OSTN: variants seen among roughly 807,000 people sequenced by gnomAD.
The protein encoded by OSTN is osteocrin.
A neutral mutation model predicts 12.0 loss-of-function variants in OSTN; 9 were observed. The observed-to-expected ratio is 0.75, with a 90% confidence interval of 0.45 to 1.30. The LOEUF is 1.30. OSTN is among the 50% of genes most tolerant of loss of function. The pLI is 0.00. For missense variants in OSTN, 148 were observed against 152.3 expected (o/e 0.97, Z 0.15); for synonymous variants, 59 against 56.9 (o/e 1.04, Z -0.16).
At chr3:191,257,019 CA>C (rs1299830160) in intron 4 of OSTN, among the ~76,000 whole-genome samples, 1 of 151,656 alleles carries the variant, frequency 6.6e-6, no homozygotes, top group Non-Finnish European at 1.5e-5. Context: ...CCCATCTGTA[CA>C]AAAAAGTTTT....
At chr3:191,208,159 A>G (rs1242018875) in intron 1 of OSTN, among the ~76,000 whole-genome samples, 1 of 152,210 alleles carries the variant, frequency 6.6e-6, no homozygotes, top group Non-Finnish European at 1.5e-5. Context: ...AAAAATGCAA[A>G]CACCTTTACT....
chr3:191,233,130 A>G (rs1715102934), intron 3 of OSTN, among the ~76,000 whole-genome samples: 1 of 152,178 alleles, frequency 6.6e-6, no homozygotes, highest in Non-Finnish European at 1.5e-5. Context: ...CCACCAGGAG[A>G]TGGAAACAAA....
rs371026552 is a variant in OSTN at position 191,257,661 on chromosome 3, A to G, written c.*13-5205A>G. ...AATCAAGTATCAAAAATATCAAGCA[A>G]CAATTTTTTGGCCATAAACCTGCCT... On this transcript the variant is annotated intron_variant, in intron 4 of 4. Transcript: ENST00000682035. Among the ~76,000 whole-genome samples the G allele has an allele frequency of 7.4e-4, 113 of 152,302 alleles. 1 individual carries two copies. Among genetic ancestry groups the G allele is most frequent in the South Asian group, 1.0e-3 (5 of 4,824 alleles).
chr3:191,243,503 C>T (rs1459263052), intron 3 of OSTN, among the ~76,000 whole-genome samples: 1 of 152,084 alleles, frequency 6.6e-6, no homozygotes, highest in Non-Finnish European at 1.5e-5. Context: ...AATCTCAAAA[C>T]ACATAATATT....
intron 3 of OSTN, among the ~76,000 whole-genome samples, chr3:191,244,092 T>C (rs1284199482): frequency 6.6e-6 from 1 of 152,152 alleles, no homozygotes; most frequent in African/African-American, 2.4e-5. Flanking sequence ...TGTTCATTTT[T>C]ACTCTCTTTA....
chr3:191,243,944 A>T (rs1715375631), intron 3 of OSTN, among the ~76,000 whole-genome samples: 1 of 152,090 alleles, frequency 6.6e-6, no homozygotes, highest in East Asian at 1.9e-4. Flanking sequence ...AAATCAAGGG[A>T]ATTATTAGAC....
intron 1 of OSTN, among the ~76,000 whole-genome samples, chr3:191,208,734 C>T (rs1714344562): frequency 6.6e-6 from 1 of 152,106 alleles, no homozygotes; most frequent in African/African-American, 2.4e-5. Context: ...TAAAGGAAAT[C>T]CACATGGAAA....
chr3:191,203,025 A>G (rs2108587207), intron 1 of OSTN, among the ~76,000 whole-genome samples: 1 of 152,366 alleles, frequency 6.6e-6, no homozygotes, highest in South Asian at 2.1e-4. Flanking sequence ...TGTAACTTTC[A>G]TTAGAATGAG....
At chr3:191,232,419 G>A (rs182811141) in intron 3 of OSTN, among the ~76,000 whole-genome samples, 128 of 148,966 alleles carry the variant, frequency 8.6e-4, no homozygotes, top group African/African-American at 3.0e-3. Context: ...ATTAAAATGT[G>A]CTTTGAAAGT....
chr3:191,254,378 G>C (rs114650791), intron 4 of OSTN, among the ~76,000 whole-genome samples: 2 of 152,188 alleles, frequency 1.3e-5, no homozygotes, highest in Admixed American at 6.5e-5. Context: ...ATCAGCAGGC[G>C]TGAAGGTTGT....
At chr3:191,227,252 T>C (rs1041173209) in intron 3 of OSTN, among the ~76,000 whole-genome samples, 35 of 152,136 alleles carry the variant, frequency 2.3e-4, no homozygotes, top group African/African-American at 8.2e-4. Flanking sequence ...AACATTCTTG[T>C]TATAAGAAAA....
In OSTN at chr3:191,209,875, C is replaced by A. The variant is rs143941250; in HGVS notation, c.1-2658C>A. ...TTGAAGACATCCTAGGCCTAAAATT[C>A]TTTGCCACAGAACTTAACTGCTGCA... On this transcript the variant is annotated intron_variant, in intron 1 of 4. Transcript: ENST00000682035. Among the ~76,000 whole-genome samples the A allele has an allele frequency of 9.1e-4, 138 of 152,186 alleles. 1 individual carries two copies. The highest frequency in any genetic ancestry group is 3.1e-3 in the African/African-American group (129 of 41,544).
At chr3:191,235,169 A>T (rs933737408) in intron 3 of OSTN, among the ~76,000 whole-genome samples, 1 of 152,188 alleles carries the variant, frequency 6.6e-6, no homozygotes, top group African/African-American at 2.4e-5. Context: ...CCTTGAGTAA[A>T]CCCAAAGGCA....
At chr3:191,251,911 A>C (rs969476519) in intron 4 of OSTN, among the ~76,000 whole-genome samples, 1 of 152,244 alleles carries the variant, frequency 6.6e-6, no homozygotes, top group Non-Finnish European at 1.5e-5. Flanking sequence ...TGTTCTGAGA[A>C]CATTATGACA....
In OSTN at chr3:191,218,868, T is replaced by G. The variant is rs563138982; in HGVS notation, c.224T>G (p.Val75Gly). Residue 75 changes from valine to glycine, a missense_variant, in exon 3 of 5, where the codon GTG (valine) becomes GGG (glycine). Val to Gly is a moderately radical substitution (Grantham distance 109). Coordinates refer to ENST00000682035, the MANE Select transcript of OSTN (RefSeq NM_198184.2). ...LDELVSLEND[V>G]IETKKKRSFS... ...GAATTGGTGTCCCTAGAAAATGATG[T>G]GATTGAGACAAAGAAGAAAAGGAGT... is the stretch of plus-strand genomic sequence containing the variant. 3 of 1,614,118 alleles carry G rather than the reference T, an allele frequency of 1.9e-6. No individual in the cohort carries two copies. The highest frequency in any genetic ancestry group is 2.5e-6 in the Non-Finnish European group (3 of 1,179,998).
At chr3:191,260,691 G>A in intron 4 of OSTN, among the ~76,000 whole-genome samples, 1 of 152,200 alleles carries the variant, frequency 6.6e-6, no homozygotes, top group East Asian at 1.9e-4. Context: ...GCCACCTGAT[G>A]TGATCCAACA....
chr3:191,218,623 CA>C, intron 2 of OSTN, 123 bp from the exon 3 acceptor site: 7 of 776,770 alleles, frequency 9.0e-6, no homozygotes, highest in African/African-American at 1.8e-5. Flanking sequence ...AACTTTGTCT[CA>C]AAAAAATTGT....
intron 2 of OSTN, chr3:191,213,155 C>G (rs1188891857): frequency 6.6e-6 from 1 of 152,132 alleles, no homozygotes; most frequent in African/African-American, 2.4e-5. Context: ...AGGCGTGAGC[C>G]ACCACGCCCG....
chr3:191,262,159 A>G (rs1441162355), intron 4 of OSTN, among the ~76,000 whole-genome samples: 1 of 152,192 alleles, frequency 6.6e-6, no homozygotes, highest in African/African-American at 2.4e-5. Context: ...CGGAGGCTGC[A>G]GTGAGCTGAG....
Sources: gnomAD v4.1 joint callset for allele counts (sites outside exome capture counted in the v4.1 genomes callset) on GRCh38, gnomAD v4.1.1 for gene constraint, MANE v1.5 for transcripts, NCBI Gene and HGNC (gene_info 2026-07-23, HGNC 2026-07-21) for gene names.